NUDC: variants seen among roughly 807,000 people sequenced by gnomAD.
NUDC encodes the protein nuclear distribution C, dynein complex regulator, also known as nuclear migration protein nudC.
Under a neutral mutation model 45.0 loss-of-function variants are expected in NUDC, and 14 were observed. The observed-to-expected ratio is 0.31, with a 90% confidence interval of 0.21 to 0.49. NUDC has a LOEUF of 0.49. Among genes scored for constraint, NUDC ranks in the 20% least tolerant of loss-of-function variants. The probability of loss-of-function intolerance (pLI) is 0.99; values close to 1 mark genes in which losing one functional copy is unlikely to be tolerated. For missense variants in NUDC, 323 were observed against 426.2 expected (o/e 0.76, Z 2.13); for synonymous variants, 153 against 156.7 (o/e 0.98, Z 0.17).
chr1:26,939,759 C>T (rs1278691933), intron 2 of NUDC, among the ~76,000 whole-genome samples: 1 of 152,178 alleles, frequency 6.6e-6, no homozygotes, highest in East Asian at 1.9e-4. Flanking sequence ...GGCCATACCC[C>T]AGAATTTCTG....
chr1:26,932,101 A>C (rs1330392182), intron 2 of NUDC, among the ~76,000 whole-genome samples: 1 of 150,784 alleles, frequency 6.6e-6, no homozygotes, highest in Non-Finnish European at 1.5e-5. Flanking sequence ...TGACCTCCCC[A>C]AGGCTCAGGT....
At chr1:26,930,774 T>C (rs924179925) in intron 2 of NUDC, among the ~76,000 whole-genome samples, 4 of 149,522 alleles carry the variant, frequency 2.7e-5, no homozygotes, top group Non-Finnish European at 5.9e-5. Context: ...CCCAGCACTT[T>C]GGAAGGCCGA....
chr1:26,946,428 C>G lies in NUDC; in HGVS notation c.*247C>G. On this transcript the variant is annotated 3_prime_UTR_variant, in exon 9 of 9. Transcript: ENST00000321265. ...GTGTCCTCTCTTGCCTCTGGCCTTT[C>G]TCTGGGGCACAGGCCTCTTACGGCT... 1.9e-6 allele frequency: 1 copy of G among 539,386 alleles called. No homozygotes were observed. The highest frequency in any genetic ancestry group is 3.3e-6 in the Non-Finnish European group (1 of 299,134). 33.4% of individuals were successfully genotyped at this position (539,386 alleles called of 1,614,324 possible).
intron 2 of NUDC, among the ~76,000 whole-genome samples, chr1:26,908,087 CG>C (rs1557665058): frequency 6.6e-6 from 1 of 151,890 alleles, no homozygotes; most frequent in African/African-American, 2.4e-5. Context: ...GCTGAAGCAA[CG>C]GAATTGCTTG....
intron 2 of NUDC, among the ~76,000 whole-genome samples, chr1:26,934,720 T>C (rs1243259658): frequency 7.2e-6 from 1 of 138,966 alleles, no homozygotes; most frequent in Non-Finnish European, 1.6e-5. Context: ...AGTGCAGTGG[T>C]GCAATCTGGG....
chr1:26,908,024 C>A (rs904169636), intron 2 of NUDC, among the ~76,000 whole-genome samples: 2 of 152,082 alleles, frequency 1.3e-5, no homozygotes, highest in Non-Finnish European at 2.9e-5. Context: ...ACTAAAAATA[C>A]AAAAATTAGC....
chr1:26,913,549 C>T lies in NUDC; in HGVS notation c.93+2314C>T, dbSNP rs761460233. ...GGGTCTGTCTGGCAGTTGGCCACTGCCTCCACTGCTGCTGGGCTCCTCCAG... is the reference window on the plus strand; with the variant it reads ...GGGTCTGTCTGGCAGTTGGCCACTGTCTCCACTGCTGCTGGGCTCCTCCAG... On this transcript the variant is annotated intron_variant, in intron 3 of 6. Coordinates refer to the NUDC transcript ENST00000435827. The T allele has an allele frequency of 9.9e-6, 16 of 1,613,950 alleles. No individual in the cohort carries two copies. In the African/African-American group the frequency reaches 1.7e-4, roughly 18 times the overall value.
intron 2 of NUDC, among the ~76,000 whole-genome samples, chr1:26,902,847 G>A (rs1392755767): frequency 2.0e-5 from 3 of 152,024 alleles, no homozygotes; most frequent in African/African-American, 4.8e-5. Flanking sequence ...TCCAGAGTTC[G>A]AGACCAGCCT....
chr1:26,926,208 A>G lies in NUDC; in HGVS notation c.159+2042A>G, dbSNP rs148211477. Among the ~76,000 whole-genome samples the G allele has an allele frequency of 1.5e-3, 223 of 152,178 alleles. 1 individual carries two copies. Among genetic ancestry groups the G allele is most frequent in the African/African-American group, 5.1e-3 (212 of 41,542 alleles). On this transcript the variant is annotated intron_variant, in intron 2 of 8. Coordinates refer to ENST00000321265, the MANE Select transcript of NUDC (RefSeq NM_006600.4). ...ATTATCTTTATAATAGACATAAACA[A>G]GAGACATAATAAGAAGGAGACGTAG...
chr1:26,912,075 G>A (rs750585553), intron 3 of NUDC: 3 of 1,613,730 alleles, frequency 1.9e-6, no homozygotes, highest in Non-Finnish European at 2.5e-6. Flanking sequence ...GCGGCTTGGA[G>A]GCCTGGCACA....
chr1:26,936,571 C>T (rs1433902780), intron 2 of NUDC, among the ~76,000 whole-genome samples: 1 of 151,548 alleles, frequency 6.6e-6, no homozygotes, highest in Non-Finnish European at 1.5e-5. Flanking sequence ...AAATCCTGAC[C>T]TCAGGTGATC....
chr1:26,907,448 T>C (rs7526445), intron 2 of NUDC, among the ~76,000 whole-genome samples: 2 of 152,176 alleles, frequency 1.3e-5, no homozygotes, highest in African/African-American at 2.4e-5. Flanking sequence ...CAGCATCTAG[T>C]ACAGGGGTTG....
chr1:26,929,059 C>A (rs2124107652), intron 2 of NUDC, among the ~76,000 whole-genome samples: 1 of 152,248 alleles, frequency 6.6e-6, no homozygotes, highest in East Asian at 1.9e-4. Context: ...TATAGACATA[C>A]TCTGGGATGT....
intron 2 of NUDC, among the ~76,000 whole-genome samples, chr1:26,906,534 T>C (rs1352269112): frequency 6.6e-6 from 1 of 151,898 alleles, no homozygotes; most frequent in African/African-American, 2.4e-5. Flanking sequence ...CCAGGAAATG[T>C]GTTTAGAGCA....
intron 3 of NUDC, among the ~76,000 whole-genome samples, chr1:26,915,549 C>G (rs531337917): frequency 1.3e-5 from 2 of 152,316 alleles, no homozygotes; most frequent in South Asian, 4.1e-4. Flanking sequence ...GTTGGGCAGC[C>G]TGGTGCCCTG....
rs543783543 is a variant in NUDC, at chr1:26,921,981, C to G, written c.81+52C>G. On this transcript the variant is annotated intron_variant, in intron 1 of 8. Transcript: ENST00000321265. ...CCCGGCGGCCTTGGCCACGCTCCTT[C>G]CGCCCTTCTCTGCCTTCGAGGGCTG... The G allele has an allele frequency of 1.1e-4, 168 of 1,523,700 alleles. No homozygotes were observed. The African/African-American group carries it at 2.2e-3, about 20-fold the overall frequency. The allele number at this position is 1,523,700 out of a possible 1,614,324, so 94.4% of individuals were successfully genotyped here. A position where few individuals can be genotyped will look rare whatever the true frequency, so the allele number is the denominator to read the frequency against.
intron 3 of NUDC, chr1:26,914,023 C>G (rs554242262): frequency 8.5e-7 from 1 of 1,178,992 alleles, no homozygotes; most frequent in South Asian, 3.3e-5. Flanking sequence ...GTGAGTGGAA[C>G]GGGGGGAATG....
At chr1:26,905,459 T>A (rs1320481317) in intron 2 of NUDC, among the ~76,000 whole-genome samples, 3 of 152,052 alleles carry the variant, frequency 2.0e-5, no homozygotes, top group Non-Finnish European at 4.4e-5. Flanking sequence ...AGCCACAAGA[T>A]GCTTTTATAC....
At chr1:26,924,796 C>T (rs779796134) in intron 2 of NUDC, among the ~76,000 whole-genome samples, 64 of 151,812 alleles carry the variant, frequency 4.2e-4, no homozygotes, top group Middle Eastern at 6.8e-3. Context: ...CATGATCCAC[C>T]CGCCTCGGCC....
Sources: allele counts gnomAD v4.1 joint callset (sites outside exome capture counted in the v4.1 genomes callset), GRCh38; gene constraint gnomAD v4.1.1; transcripts MANE v1.5; gene names NCBI Gene and HGNC (gene_info 2026-07-23, HGNC 2026-07-21).